The following TEAD3 variants were observed in gnomAD, a reference collection of about 807,000 sequenced individuals.
The protein encoded by TEAD3 is TEA domain transcription factor 3.
In TEAD3, 15 loss-of-function variants were observed where a neutral mutation model predicts 55.6. The observed-to-expected ratio is 0.27, with a 90% CI of 0.18 to 0.42. The LOEUF (loss-of-function observed/expected upper bound fraction) is 0.42. TEAD3 is among the 10% of genes least tolerant of loss of function. The pLI is 1.00. For synonymous variants in TEAD3, 210 were observed against 232.2 expected, an observed-to-expected ratio of 0.90 and a Z score of 0.87; for missense variants, 407 against 576.8, an observed-to-expected ratio of 0.71 and a Z score of 3.01.
At chr6:35,494,446 C>T (rs535946945) in intron 1 of TEAD3, among the ~76,000 whole-genome samples, 2 of 152,264 alleles carry the variant, frequency 1.3e-5, no homozygotes, top group East Asian at 3.9e-4. Context: ...AGGGCTGGCA[C>T]AACACCAGGA....
chr6:35,477,956 C>T (rs1314507807), intron 7 of TEAD3, among the ~76,000 whole-genome samples: 1 of 151,772 alleles, frequency 6.6e-6, no homozygotes, highest in Non-Finnish European at 1.5e-5. Context: ...TCAAGCAATC[C>T]TAGCCTGCCT....
chr6:35,489,621 G>A (rs189015564), intron 1 of TEAD3, among the ~76,000 whole-genome samples: 1 of 152,182 alleles, frequency 6.6e-6, no homozygotes, highest in African/African-American at 2.4e-5. Context: ...TGTCAGAGGG[G>A]CCAGATGCCC....
chr6:35,496,804 G>GT lies in TEAD3; in HGVS notation c.-50+93dup, dbSNP rs1768675881. 6.9e-6 allele frequency: 1 copy of GT among 144,712 alleles called. No individual in the cohort carries two copies. Among genetic ancestry groups the GT allele is most frequent in the Non-Finnish European group, 1.6e-5 (1 of 63,884 alleles). The allele number at this position is 144,712 out of a possible 1,614,324, so 9.0% of individuals were successfully genotyped here. A position where few individuals can be genotyped will look rare whatever the true frequency, so the allele number is the denominator to read the frequency against. On this transcript the variant is annotated intron_variant, in intron 1 of 12. Coordinates refer to ENST00000639578, the Ensembl canonical transcript of TEAD3. This position sits in a 1 kb window ranked among gnomAD's most constrained non-coding sequence, Gnocchi z 4.8. ...GGCTGGACAATAGCTCGGGGACCCA[G>GT]TCCCCCTCGAGTGTCGCCCCCCCAG...
chr6:35,491,214 C>T lies in TEAD3; in HGVS notation c.-49-4503G>A, dbSNP rs1203369287. The stretch of plus-strand genomic sequence containing the variant: ...CCCCAGGAGAGATGTGGAGGCAGGG[C>T]GGGGGAGTGCTGGACCCTCAGACCC... On this transcript the variant is annotated intron_variant, in intron 1 of 12. Coordinates refer to ENST00000639578, the Ensembl canonical transcript of TEAD3. The surrounding 1 kb of genome is among the most constrained non-coding windows in gnomAD (Gnocchi z 4.4). Among the ~76,000 whole-genome samples, 7 of 137,382 alleles carry T rather than the reference C, an allele frequency of 5.1e-5. No homozygotes were observed. Among genetic ancestry groups the T allele is most frequent in the South Asian group, 2.6e-4 (1 of 3,818 alleles). The allele number at this position is 137,382 out of a possible 152,430, so 90.1% of individuals were successfully genotyped here. A position where few individuals can be genotyped will look rare whatever the true frequency, so the allele number is the denominator to read the frequency against.
At chr6:35,474,841 T>C, downstream of TEAD3, 1 of 559,338 alleles carries the variant, frequency 1.8e-6, no homozygotes, top group Non-Finnish European at 3.1e-6. Flanking sequence ...CGCTGAGCCC[T>C]CCTCTCCTCT....
chr6:35,486,647 A>C lies in TEAD3; in HGVS notation c.16T>G (p.Trp6Gly). Residue 6 changes from tryptophan to glycine, a missense_variant, in exon 2 of 13, where the codon TGG becomes GGG. Physicochemically the swap from Trp to Gly is radical, Grantham distance 184. Coordinates refer to ENST00000639578, the Ensembl canonical transcript of TEAD3. The surrounding 1 kb of genome is among the most constrained non-coding windows in gnomAD (Gnocchi z 7.3). Reference sequence around the variant, plus strand: ...TCCCCGGGGCTGCTGCTGGCGTTCCAGCTGTTGGACGCTATTGTGCTGGTT... The same window carrying C: ...TCCCCGGGGCTGCTGCTGGCGTTCCCGCTGTTGGACGCTATTGTGCTGGTT... 1 of 1,612,702 alleles carries C rather than the reference A, an allele frequency of 6.2e-7. No homozygotes were observed. The highest frequency in any genetic ancestry group is 8.5e-7 in the Non-Finnish European group (1 of 1,179,692).
At chr6:35,474,797 A>ATGG, downstream of TEAD3, 1 of 485,830 alleles carries the variant, frequency 2.1e-6, no homozygotes, top group South Asian at 2.6e-5. Flanking sequence ...GAGCAGGGTG[A>ATGG]TGGTGGGTCA....
intron 1 of TEAD3, among the ~76,000 whole-genome samples, chr6:35,490,449 G>A (rs1230596996): frequency 6.6e-6 from 1 of 152,180 alleles, no homozygotes; most frequent in Non-Finnish European, 1.5e-5. Context: ...TTCTAGGAAC[G>A]CTCCTGGGGC....
At position 35,486,307 on chromosome 6, in the gene TEAD3, G is replaced by C. The variant is rs563957237; in HGVS notation, c.202+154C>G. On this transcript the variant is annotated intron_variant, in intron 2 of 12. Transcript: ENST00000639578. The surrounding 1 kb of genome is among the most constrained non-coding windows in gnomAD (Gnocchi z 7.3). ...GGGGCGAGCCCGGCTTGTTTATGAG[G>C]AGGAGCGCGGAGGAGGATCCAGACA... is the stretch of plus-strand genomic sequence containing the variant. 1.3e-5 allele frequency among the ~76,000 whole-genome samples: 2 copies of C among 152,364 alleles called. No homozygotes were observed. Among genetic ancestry groups the C allele is most frequent in the East Asian group, 1.9e-4 (1 of 5,174 alleles).
At chr6:35,477,416 T>C in intron 7 of TEAD3, 44 bp from the exon 8 acceptor site, 3 of 1,561,234 alleles carry the variant, frequency 1.9e-6, no homozygotes, top group Non-Finnish European at 2.6e-6. Flanking sequence ...CCCTCTTCCC[T>C]ACCTTCCACC....
intron 5 of TEAD3, among the ~76,000 whole-genome samples, 178 bp from the exon 6 acceptor site, chr6:35,478,749 T>C (rs1361231181): frequency 6.6e-6 from 1 of 152,210 alleles, no homozygotes. Flanking sequence ...TCTCTGCACC[T>C]TCCTGGTCTC....
chr6:35,487,882 G>A (rs892225946), intron 1 of TEAD3, among the ~76,000 whole-genome samples: 4 of 152,198 alleles, frequency 2.6e-5, no homozygotes. Context: ...CAGAGAGGAG[G>A]AGCAGAGGAG....
chr6:35,479,373 G>A (rs1407206528), intron 4 of TEAD3, 57 bp from the exon 5 acceptor site: 1 of 1,607,280 alleles, frequency 6.2e-7, no homozygotes, highest in Non-Finnish European at 8.5e-7. Flanking sequence ...AGGGCTGTGG[G>A]CTGAGGGACG....
Position 35,475,936 on chromosome 6 carries a change from A to G in TEAD3, c.883T>C (p.Phe295Leu). The G allele has an allele frequency of 6.5e-7, 1 of 1,535,716 alleles. No individual in the cohort carries two copies. The highest frequency in any genetic ancestry group is 8.7e-7 in the Non-Finnish European group (1 of 1,144,524). ...GGACTCACCCAGAACTTGACAAGGA[A>G]GAAGGCATTAGGGGGCCCCTTCTCA... The change falls in exon 10 of 13, where the codon TTC becomes CTC. Residue 295 changes from phenylalanine to leucine, a missense_variant. Physicochemically the swap from Phe to Leu is conservative, Grantham distance 22. Coordinates refer to ENST00000639578, the Ensembl canonical transcript of TEAD3. The surrounding 1 kb of genome is among the most constrained non-coding windows in gnomAD (Gnocchi z 5.4).
At chr6:35,487,739 AAC>A (rs1349370707) in intron 1 of TEAD3, among the ~76,000 whole-genome samples, 4 of 151,984 alleles carry the variant, frequency 2.6e-5, no homozygotes, top group African/African-American at 9.7e-5. Flanking sequence ...AACAAAACAA[AAC>A]ACACAAAAAC....
At chr6:35,478,403 C>A in intron 6 of TEAD3, 31 bp downstream of exon 6, 2 of 1,613,640 alleles carry the variant, frequency 1.2e-6, no homozygotes, top group Non-Finnish European at 1.7e-6. Flanking sequence ...AGCACACCCC[C>A]ACACCAGCCC....
chr6:35,480,493 A>C, intron 3 of TEAD3, 119 bp from the exon 4 acceptor site: 1 of 1,011,310 alleles, frequency 9.9e-7, no homozygotes. Flanking sequence ...ACTACATGTA[A>C]ATGGGGGGAC....
chr6:35,490,684 T>C (rs1479707796), intron 1 of TEAD3, among the ~76,000 whole-genome samples: 1 of 152,176 alleles, frequency 6.6e-6, no homozygotes, highest in East Asian at 1.9e-4. Flanking sequence ...GAGCACTGGC[T>C]GCTCTGTTCT....
chr6:35,484,639 G>C lies in TEAD3; in HGVS notation c.203-15C>G. 1.3e-6 allele frequency: 2 copies of C among 1,580,930 alleles called. No individual in the cohort carries two copies. Among genetic ancestry groups the C allele is most frequent in the South Asian group, 1.2e-5 (1 of 86,334 alleles). On this transcript the variant is annotated splice_polypyrimidine_tract_variant and intron_variant, in intron 2 of 12. Coordinates refer to ENST00000639578, the Ensembl canonical transcript of TEAD3. The surrounding 1 kb of genome is among the most constrained non-coding windows in gnomAD (Gnocchi z 5.8). ...CTCATTTCGGCCTAGATTGGGGTGA[G>C]AGAGAAAATGAGGAGTGGGCAAAGG...
Sources: gnomAD v4.1 joint callset for allele counts (sites outside exome capture counted in the v4.1 genomes callset) on GRCh38, gnomAD v4.1.1 for gene constraint, Gnocchi (gnomAD v3.1) non-coding constraint, MANE v1.5 for transcripts, NCBI Gene and HGNC (gene_info 2026-07-23, HGNC 2026-07-21) for gene names.